Variants in PPP2R5C observed in about 807,000 individuals in gnomAD.
The protein encoded by PPP2R5C is protein phosphatase 2 regulatory subunit B'gamma, also known as serine/threonine-protein phosphatase 2A 56 kDa regulatory subunit gamma isoform.
Under a neutral mutation model 68.9 loss-of-function variants are expected in PPP2R5C, and 7 were observed. The ratio of observed to expected loss-of-function variants is 0.10; its 90% CI spans 0.06 to 0.19. PPP2R5C has a LOEUF of 0.19. PPP2R5C is among the 10% of genes least tolerant of loss of function. The pLI, the probability that PPP2R5C is intolerant of heterozygous loss-of-function variation, is 1.00. For missense variants in PPP2R5C, 348 were observed against 641.3 expected, an observed-to-expected ratio of 0.54 and a Z score of 4.94; for synonymous variants, 210 against 222.2, an observed-to-expected ratio of 0.95 and a Z score of 0.49.
At chr14:101,772,027 G>C (rs2139976821) in intron 2 of PPP2R5C, among the ~76,000 whole-genome samples, 1 of 152,270 alleles carries the variant, frequency 6.6e-6, no homozygotes, top group African/African-American at 2.4e-5. Flanking sequence ...CTGTTGACCA[G>C]CAGATGTGGA....
intron 1 of PPP2R5C, chr14:101,810,339 C>T (rs538840049): frequency 3.5e-6 from 1 of 284,378 alleles, no homozygotes; most frequent in South Asian, 5.0e-5. Context: ...AGTCACTGCC[C>T]AGGGAAGGTA....
chr14:101,784,748 C>G (rs888515139), intron 2 of PPP2R5C, among the ~76,000 whole-genome samples: 2 of 152,216 alleles, frequency 1.3e-5, no homozygotes, highest in Middle Eastern at 3.2e-3. Context: ...GACTCCCTTT[C>G]TTTGGGCAGA....
At chr14:101,792,021 G>C (rs557335645) in intron 3 of PPP2R5C, among the ~76,000 whole-genome samples, 4 of 152,268 alleles carry the variant, frequency 2.6e-5, no homozygotes, top group Non-Finnish European at 5.9e-5. Flanking sequence ...GCCAATCTGG[G>C]AGTGCCTTAA....
intron 1 of PPP2R5C, 108 bp downstream of exon 1, chr14:101,762,028 G>T: frequency 9.3e-7 from 1 of 1,069,874 alleles, no homozygotes. Context: ...TTCCCCGCCT[G>T]ACGCCGCGGG....
chr14:101,905,101 C>T (rs1339865027), intron 9 of PPP2R5C, among the ~76,000 whole-genome samples: 1 of 152,246 alleles, frequency 6.6e-6, no homozygotes, highest in Non-Finnish European at 1.5e-5. Context: ...CGCCTGTAGT[C>T]CCAGCACTTT....
chr14:101,893,155 A>G (rs746310534), intron 7 of PPP2R5C, 47 bp downstream of exon 9: 6 of 1,306,390 alleles, frequency 4.6e-6, no homozygotes, highest in Non-Finnish European at 5.5e-6. Flanking sequence ...GCATTTGATC[A>G]GGATTGAACA....
chr14:101,927,530 G>A (rs779123958), exon 14 of PPP2R5C: 5 of 152,596 alleles, frequency 3.3e-5, no homozygotes, highest in Non-Finnish European at 5.9e-5. Flanking sequence ...AAAGTTCTGC[G>A]TTTGGCATCT....
intron 2 of PPP2R5C, among the ~76,000 whole-genome samples, chr14:101,763,983 G>T (rs550091082): frequency 4.7e-4 from 71 of 151,372 alleles, no homozygotes; most frequent in African/African-American, 1.5e-3. Flanking sequence ...CCTAGTTTTG[G>T]TATTTTATTA....
chr14:101,890,331 A>G, intron 6 of PPP2R5C, 35 bp downstream of exon 8: 2 of 1,585,012 alleles, frequency 1.3e-6, no homozygotes, highest in Non-Finnish European at 8.7e-7. Context: ...ACGGCTGTAG[A>G]TGGAATTTAT....
chr14:101,774,022 ATGGG>A (rs1307733964), intron 2 of PPP2R5C, among the ~76,000 whole-genome samples: 1 of 152,208 alleles, frequency 6.6e-6, no homozygotes, highest in Non-Finnish European at 1.5e-5. Flanking sequence ...TCTGAGGGTC[ATGGG>A]AAGCCACTGG....
rs1223913820 is a variant in PPP2R5C at position 101,888,375 on chromosome 14, T to G, written c.630-1862T>G. Among the ~76,000 whole-genome samples the G allele has an allele frequency of 6.6e-6, 1 of 152,096 alleles. No individual in the cohort carries two copies. Among genetic ancestry groups the G allele is most frequent in the African/African-American group, 2.4e-5 (1 of 41,418 alleles). On this transcript the variant is annotated intron_variant, in intron 5 of 13. Transcript: ENST00000334743. The surrounding 1 kb of genome is among the most constrained non-coding windows in gnomAD (Gnocchi z 5.6). ...TCCAAGCCTCAGGGTAGGTGCAGGC[T>G]GAGGGACACCAGGTGCGAGCATTTT...
intron 1 of PPP2R5C, among the ~76,000 whole-genome samples, chr14:101,829,633 C>T (rs114366354): frequency 2.6e-5 from 4 of 152,288 alleles, no homozygotes; most frequent in African/African-American, 7.2e-5. Context: ...TTGAGGAAGA[C>T]GATTTTTCCT....
rs1377448604 is a variant in PPP2R5C, at chr14:101,849,310, C to T, written c.95-7376C>T. On this transcript the variant is annotated intron_variant, in intron 1 of 13. Coordinates refer to ENST00000334743, the Ensembl canonical transcript of PPP2R5C. ...TCAACCTCGTGTATCCTCAACACCA[C>T]TGATAATGCACTGCCCCGCCCATGG... Among the ~76,000 whole-genome samples the T allele has an allele frequency of 2.6e-5, 4 of 152,178 alleles. No individual in the cohort carries two copies. In the East Asian group the frequency reaches 7.7e-4, roughly 29 times the overall value.
chr14:101,809,722 C>T, upstream of PPP2R5C: 1 of 955,166 alleles, frequency 1.0e-6, no homozygotes, highest in Non-Finnish European at 1.4e-6. Flanking sequence ...TTTTAAGGCA[C>T]ACTGACAGCC....
intron 1 of PPP2R5C, among the ~76,000 whole-genome samples, chr14:101,816,298 C>T (rs942071039): frequency 3.9e-5 from 6 of 152,130 alleles, no homozygotes; most frequent in Non-Finnish European, 8.8e-5. Flanking sequence ...GTGGTCTAAA[C>T]GTGGGATAAA....
intron 2 of PPP2R5C, among the ~76,000 whole-genome samples, chr14:101,772,212 CTT>C (rs1048709151): frequency 3.4e-4 from 51 of 152,014 alleles, no homozygotes; most frequent in African/African-American, 1.1e-3. Context: ...GAAGAGAAGA[CTT>C]ATATTGGCAA....
intron 1 of PPP2R5C, among the ~76,000 whole-genome samples, chr14:101,832,376 T>TAGCAC (rs758043106): frequency 6.6e-6 from 1 of 152,232 alleles, no homozygotes; most frequent in Non-Finnish European, 1.5e-5. Context: ...AATATATAAT[T>TAGCAC]AGCACATCAA....
chr14:101,816,021 T>C (rs1296877972), intron 1 of PPP2R5C, among the ~76,000 whole-genome samples: 1 of 152,230 alleles, frequency 6.6e-6, no homozygotes, highest in Non-Finnish European at 1.5e-5. Flanking sequence ...GAGAAGCTCA[T>C]GAGAAGCTGT....
intron 1 of PPP2R5C, among the ~76,000 whole-genome samples, chr14:101,822,233 T>G (rs545036584): frequency 6.6e-6 from 1 of 152,220 alleles, no homozygotes; most frequent in African/African-American, 2.4e-5. Context: ...TCCAAATAAG[T>G]TACATTAAAA....
Sources: gnomAD v4.1 joint callset for allele counts (sites outside exome capture counted in the v4.1 genomes callset) on GRCh38, gnomAD v4.1.1 for gene constraint, Gnocchi (gnomAD v3.1) non-coding constraint, MANE v1.5 for transcripts, NCBI Gene and HGNC (gene_info 2026-07-23, HGNC 2026-07-21) for gene names.